Variants in AFG1L observed in about 807,000 individuals in gnomAD.
AFG1L encodes the protein AFG1-like ATPase.
Under a neutral mutation model 62.2 loss-of-function variants are expected in AFG1L, and 53 were observed. The observed-to-expected ratio is 0.85, with a 90% CI of 0.68 to 1.07. The LOEUF (loss-of-function observed/expected upper bound fraction) is 1.07. Among genes scored for constraint, AFG1L ranks in the 50% least tolerant of loss-of-function variants. The pLI is 0.00. For synonymous variants in AFG1L, 228 were observed against 210.3 expected, an observed-to-expected ratio of 1.08 and a Z score of -0.73; for missense variants, 555 against 590.5, an observed-to-expected ratio of 0.94 and a Z score of 0.62.
intron 6 of AFG1L, among the ~76,000 whole-genome samples, chr6:108,388,560 G>T: frequency 6.6e-6 from 1 of 152,178 alleles, no homozygotes. Context: ...GTGTCCCAGA[G>T]ATTCTGGTAT....
At chr6:108,319,418 C>T (rs1189498399) in intron 1 of AFG1L, among the ~76,000 whole-genome samples, 1 of 151,806 alleles carries the variant, frequency 6.6e-6, no homozygotes, top group Non-Finnish European at 1.5e-5. Context: ...GAGGCATATA[C>T]CATTATGCCT....
chr6:108,491,465 A>G (rs1157955577), intron 10 of AFG1L, among the ~76,000 whole-genome samples: 1 of 152,168 alleles, frequency 6.6e-6, no homozygotes, highest in Non-Finnish European at 1.5e-5. Flanking sequence ...TGAAAACATA[A>G]TGACAAAGTA....
chr6:108,392,875 A>G (rs1382375121), intron 6 of AFG1L, among the ~76,000 whole-genome samples: 1 of 152,100 alleles, frequency 6.6e-6, no homozygotes, highest in Non-Finnish European at 1.5e-5. Context: ...ATAAATAAGC[A>G]TTATTCAGCT....
At chr6:108,387,161 C>T (rs73515983) in intron 6 of AFG1L, among the ~76,000 whole-genome samples, 6,948 of 152,250 alleles carry the variant, frequency 0.046, 517 homozygotes, top group African/African-American at 0.16. Flanking sequence ...AGTAATGATA[C>T]GATGGCTAAC....
intron 10 of AFG1L, among the ~76,000 whole-genome samples, chr6:108,479,162 A>AT (rs1773237696): frequency 6.6e-6 from 1 of 152,020 alleles, no homozygotes; most frequent in Non-Finnish European, 1.5e-5. Context: ...TGGCTAGTTT[A>AT]AAAAGTTTTG....
chr6:108,419,208 C>T (rs1285937571), intron 7 of AFG1L, among the ~76,000 whole-genome samples: 2 of 152,126 alleles, frequency 1.3e-5, no homozygotes, highest in Non-Finnish European at 2.9e-5. Flanking sequence ...CTAAAATAAT[C>T]TCCCCAGGGG....
chr6:108,398,275 C>A (rs556431224), intron 6 of AFG1L, among the ~76,000 whole-genome samples: 28 of 152,246 alleles, frequency 1.8e-4, no homozygotes, highest in African/African-American at 6.3e-4. Context: ...TTATTCAAAT[C>A]TTTTGCCCAT....
chr6:108,443,672 C>T (rs964375101), intron 7 of AFG1L, among the ~76,000 whole-genome samples: 1 of 151,946 alleles, frequency 6.6e-6, no homozygotes, highest in Non-Finnish European at 1.5e-5. Context: ...GCCAGGAGTT[C>T]GAGACCAGCT....
At chr6:108,386,885 C>T (rs926041684) in intron 6 of AFG1L, among the ~76,000 whole-genome samples, 1 of 151,094 alleles carries the variant, frequency 6.6e-6, no homozygotes, top group Middle Eastern at 3.4e-3. Context: ...AGAACAACAA[C>T]TAAAATAAAG....
chr6:108,340,550 A>T (rs1778644657), intron 2 of AFG1L, among the ~76,000 whole-genome samples: 3 of 152,172 alleles, frequency 2.0e-5, no homozygotes, highest in Middle Eastern at 6.8e-3. Context: ...TTTTTAGTAG[A>T]GACAGGGTCT....
chr6:108,514,910 C>T (rs1045532882), intron 11 of AFG1L, among the ~76,000 whole-genome samples: 1 of 152,182 alleles, frequency 6.6e-6, no homozygotes, highest in African/African-American at 2.4e-5. Flanking sequence ...AAGGCCATTA[C>T]ATAATGGTAA....
At chr6:108,446,073 CA>C (rs1771778668) in intron 7 of AFG1L, among the ~76,000 whole-genome samples, 1 of 147,920 alleles carries the variant, frequency 6.8e-6, no homozygotes, top group Non-Finnish European at 1.5e-5. Context: ...CACACACACA[CA>C]CACACACACA....
chr6:108,410,836 G>T (rs1176398486), intron 7 of AFG1L, among the ~76,000 whole-genome samples: 1 of 152,160 alleles, frequency 6.6e-6, no homozygotes, highest in African/African-American at 2.4e-5. Context: ...AATAGGAACA[G>T]ATCCAGTCTA....
intron 5 of AFG1L, among the ~76,000 whole-genome samples, chr6:108,364,569 G>A (rs1394873551): frequency 6.6e-6 from 1 of 152,026 alleles, no homozygotes; most frequent in African/African-American, 2.4e-5. Flanking sequence ...AACTTTCATT[G>A]ATACTGTTCT....
chr6:108,464,588 A>T (rs78606104), intron 8 of AFG1L, among the ~76,000 whole-genome samples: 252 of 152,296 alleles, frequency 1.7e-3, no homozygotes, highest in Middle Eastern at 3.4e-3. Context: ...ACTTAAAGAC[A>T]CAGTGGTACT....
At chr6:108,470,403 A>G (rs140490487) in intron 8 of AFG1L, among the ~76,000 whole-genome samples, 1 of 152,318 alleles carries the variant, frequency 6.6e-6, no homozygotes, top group African/African-American at 2.4e-5. Context: ...GTGGCAATAG[A>G]AGTGGCACTG....
intron 5 of AFG1L, among the ~76,000 whole-genome samples, chr6:108,363,062 G>A (rs189994980): frequency 2.0e-3 from 301 of 152,158 alleles, no homozygotes; most frequent in Non-Finnish European, 2.7e-3. Flanking sequence ...TTTTACTAGG[G>A]AGACGAATGG....
At chr6:108,350,654 A>G (rs142999457) in intron 3 of AFG1L, among the ~76,000 whole-genome samples, 1 of 152,326 alleles carries the variant, frequency 6.6e-6, no homozygotes, top group East Asian at 1.9e-4. Context: ...TTCATACCCT[A>G]CAGCTGGCTT....
At chr6:108,511,583 T>TA (rs1774654352) in intron 11 of AFG1L, among the ~76,000 whole-genome samples, 1 of 152,226 alleles carries the variant, frequency 6.6e-6, no homozygotes, top group Non-Finnish European at 1.5e-5. Context: ...AAGTGAGCTA[T>TA]TAGTAGAATA....
Sources: allele counts gnomAD v4.1 joint callset (sites outside exome capture counted in the v4.1 genomes callset), GRCh38; gene constraint gnomAD v4.1.1; transcripts MANE v1.5; gene names NCBI Gene and HGNC (gene_info 2026-07-23, HGNC 2026-07-21).